Variants in JARID2 observed in about 807,000 individuals in gnomAD.
The protein encoded by JARID2 is jumonji and AT-rich interaction domain containing 2.
JARID2 carries 21 observed loss-of-function variants against 125.6 expected under a neutral mutation model. That is an observed-to-expected ratio of 0.17 (90% confidence interval 0.12 to 0.24). The LOEUF is 0.24. Ranked by LOEUF, JARID2 falls within the 10% of genes least tolerant of loss-of-function variation. The pLI, the probability that JARID2 is intolerant of heterozygous loss-of-function variation, is 1.00. For missense variants in JARID2, 1,303 were observed against 1,639.6 expected (o/e 0.79, Z 3.55); for synonymous variants, 736 against 661.6 (o/e 1.11, Z -1.73).
intron 13 of JARID2, 35 bp downstream of exon 13, chr6:15,511,436 T>C: frequency 7.1e-7 from 1 of 1,404,086 alleles, no homozygotes; most frequent in Non-Finnish European, 1.0e-6. Flanking sequence ...CAGCAGGAGC[T>C]GTAGGACCTC....
chr6:15,390,792 C>T (rs972716767), intron 2 of JARID2, among the ~76,000 whole-genome samples: 13 of 152,162 alleles, frequency 8.5e-5, no homozygotes, highest in African/African-American at 2.9e-4. Flanking sequence ...CAGTAGGCCG[C>T]AGTCCTCCAG....
chr6:15,452,270 T>G, intron 4 of JARID2, 95 bp downstream of exon 4: 1 of 1,492,544 alleles, frequency 6.7e-7, no homozygotes, highest in Non-Finnish European at 8.9e-7. Flanking sequence ...CTCTGCCATG[T>G]TCATTTTTCT....
intron 3 of JARID2, among the ~76,000 whole-genome samples, chr6:15,417,295 T>C (rs1276063182): frequency 6.6e-6 from 1 of 152,146 alleles, no homozygotes; most frequent in Non-Finnish European, 1.5e-5. Context: ...ACTTGTTGTG[T>C]TATATAATGC....
At chr6:15,427,247 C>T (rs1200256236) in intron 3 of JARID2, among the ~76,000 whole-genome samples, 1 of 152,176 alleles carries the variant, frequency 6.6e-6, no homozygotes, top group Non-Finnish European at 1.5e-5. Context: ...AATCGCAAAG[C>T]CTGGACCTGC....
At chr6:15,315,417 G>A (rs949508723) in intron 1 of JARID2, among the ~76,000 whole-genome samples, 17 of 152,134 alleles carry the variant, frequency 1.1e-4, no homozygotes, top group Admixed American at 1.3e-4. Context: ...TATTTGACCC[G>A]TTGCTTTGTC....
chr6:15,246,273 G>A lies in JARID2; in HGVS notation c.-267G>A, dbSNP rs1222902923. The A allele has an allele frequency of 9.2e-6, 5 of 546,118 alleles. No individual in the cohort carries two copies. The highest frequency in any genetic ancestry group is 3.6e-5 in the Admixed American group (1 of 27,876). 33.8% of individuals were successfully genotyped at this position (546,118 alleles called of 1,614,324 possible). ...TTTTGTGTGTGTGTGTATGTGTTTC[G>A]GGGGAAATTTTCCATTATGAGTGTT... On this transcript the variant is annotated 5_prime_UTR_variant, in exon 1 of 18. Coordinates refer to ENST00000341776, the MANE Select transcript of JARID2 (RefSeq NM_004973.4).
chr6:15,409,416 C>CT (rs1047008776), intron 2 of JARID2, among the ~76,000 whole-genome samples: 2 of 152,160 alleles, frequency 1.3e-5, no homozygotes, highest in Non-Finnish European at 2.9e-5. Context: ...GTGGACATGT[C>CT]TTATCAGTGG....
intron 5 of JARID2, among the ~76,000 whole-genome samples, chr6:15,484,005 A>G (rs773868180): frequency 1.2e-4 from 19 of 152,114 alleles, no homozygotes; most frequent in South Asian, 2.1e-4. Context: ...TTAACCTACC[A>G]TTTTTCGTGC....
chr6:15,262,396 C>G (rs1759917595), intron 1 of JARID2, among the ~76,000 whole-genome samples: 1 of 151,992 alleles, frequency 6.6e-6, no homozygotes, highest in African/African-American at 2.4e-5. Context: ...AATTATGTTT[C>G]TAAAATTCAT....
At chr6:15,481,522 A>G (rs1769615441) in intron 5 of JARID2, among the ~76,000 whole-genome samples, 1 of 152,136 alleles carries the variant, frequency 6.6e-6, no homozygotes, top group Admixed American at 6.5e-5. Flanking sequence ...ACAAAAGATA[A>G]TTACTTGGAG....
chr6:15,468,491 A>G, intron 4 of JARID2, 51 bp from the exon 5 acceptor site: 1 of 1,515,204 alleles, frequency 6.6e-7, no homozygotes, highest in South Asian at 1.3e-5. Flanking sequence ...CCTTCTGGAA[A>G]GGGTGAGGGT....
At chr6:15,467,012 C>T (rs1490360867) in intron 4 of JARID2, among the ~76,000 whole-genome samples, 1 of 152,196 alleles carries the variant, frequency 6.6e-6, no homozygotes, top group Non-Finnish European at 1.5e-5. Flanking sequence ...TTTTTGCCGA[C>T]TGTATCCCTT....
Position 15,468,663 on chromosome 6 carries a change from A to G in JARID2, c.615A>G (p.Ser205=), listed in dbSNP as rs1284204717. ...VKTATNNASS[S]CQSTPRKGKT... ...CAGCCACCAACAATGCTTCATCTTC[A>G]TGCCAGTCGACCCCCAGGAAAGGAA... is the stretch of plus-strand genomic sequence containing the variant. The change falls in exon 5 of 18, where the codon TCA becomes TCG. Residue 205 remains serine, a synonymous_variant. Transcript: ENST00000341776. The G allele has an allele frequency of 1.5e-5, 24 of 1,613,990 alleles. No individual in the cohort carries two copies. Among genetic ancestry groups the G allele is most frequent in the Non-Finnish European group, 1.9e-5 (23 of 1,179,974 alleles).
chr6:15,464,893 G>A (rs552431494), intron 4 of JARID2, among the ~76,000 whole-genome samples: 55 of 152,132 alleles, frequency 3.6e-4, no homozygotes, highest in Non-Finnish European at 7.2e-4. Context: ...CCCATATGTA[G>A]AAGAAATTGT....
intron 1 of JARID2, among the ~76,000 whole-genome samples, chr6:15,256,854 T>G (rs145757562): frequency 6.6e-6 from 1 of 152,352 alleles, no homozygotes; most frequent in East Asian, 1.9e-4. Flanking sequence ...TAGGTCAATG[T>G]TAATGTCTAA....
At chr6:15,454,262 G>A (rs781627539) in intron 4 of JARID2, among the ~76,000 whole-genome samples, 1 of 152,036 alleles carries the variant, frequency 6.6e-6, no homozygotes, top group Non-Finnish European at 1.5e-5. Context: ...CAATTGCCCT[G>A]CCTTACTAAT....
intron 3 of JARID2, among the ~76,000 whole-genome samples, chr6:15,418,216 C>CTTTTT (rs56801667): frequency 8.5e-6 from 1 of 117,800 alleles, no homozygotes; most frequent in Non-Finnish European, 1.7e-5. Flanking sequence ...CTATATTCCT[C>CTTTTT]TTTTTTTTTT....
intron 3 of JARID2, among the ~76,000 whole-genome samples, chr6:15,446,472 T>A (rs1767674942): frequency 6.6e-6 from 1 of 152,220 alleles, no homozygotes; most frequent in African/African-American, 2.4e-5. Context: ...TTCTCTTATC[T>A]GGCCTAGAGG....
chr6:15,514,785 A>G (rs1311765536), intron 16 of JARID2, among the ~76,000 whole-genome samples: 2 of 151,740 alleles, frequency 1.3e-5, no homozygotes, highest in Admixed American at 6.6e-5. Flanking sequence ...TAGAGGCCCT[A>G]CCCCCAACTG....
Sources: gnomAD v4.1 joint callset for allele counts (sites outside exome capture counted in the v4.1 genomes callset) on GRCh38, gnomAD v4.1.1 for gene constraint, MANE v1.5 for transcripts, NCBI Gene and HGNC (gene_info 2026-07-23, HGNC 2026-07-21) for gene names.